The following MCU variants were observed in gnomAD, a reference collection of about 807,000 sequenced individuals.
MCU encodes calcium uniporter protein, mitochondrial.
A neutral mutation model predicts 45.2 loss-of-function variants in MCU; 12 were observed. The observed-to-expected ratio is 0.27, with a 90% CI of 0.17 to 0.43. MCU has a LOEUF of 0.43. MCU is among the 20% of genes least tolerant of loss of function. MCU has a pLI of 1.00. For synonymous variants in MCU, 160 were observed against 165.1 expected (o/e 0.97, Z 0.24); for missense variants, 324 against 436.7 (o/e 0.74, Z 2.30).
chr10:72,734,000 ACTC>A (rs1269479155), intron 1 of MCU, among the ~76,000 whole-genome samples: 2 of 152,052 alleles, frequency 1.3e-5, no homozygotes, highest in African/African-American at 4.8e-5. Flanking sequence ...GGAAAGAAAA[ACTC>A]CTCAGAGTAA....
At chr10:72,823,159 A>G (rs1035833889) in intron 1 of MCU, among the ~76,000 whole-genome samples, 1 of 152,246 alleles carries the variant, frequency 6.6e-6, no homozygotes, top group Non-Finnish European at 1.5e-5. Flanking sequence ...TCATATATCC[A>G]TACAATGGAA....
At chr10:72,832,945 T>TGTGTGTGTGTGTGTGTGTGTGTGTGG (rs1844901406) in intron 1 of MCU, among the ~76,000 whole-genome samples, 1 of 151,786 alleles carries the variant, frequency 6.6e-6, no homozygotes, top group African/African-American at 2.4e-5. Flanking sequence ...TGTGTGTGTG[T>TGTGTGTGTGTGTGTGTGTGTGTGTGG]GTGTGTGTGT....
At chr10:72,731,524 A>G (rs1843174072) in intron 1 of MCU, among the ~76,000 whole-genome samples, 1 of 152,122 alleles carries the variant, frequency 6.6e-6, no homozygotes, top group Non-Finnish European at 1.5e-5. Context: ...TAGTCACAGG[A>G]TTCTGCAACT....
chr10:72,746,914 T>C (rs947629507), intron 1 of MCU, among the ~76,000 whole-genome samples: 5 of 152,238 alleles, frequency 3.3e-5, no homozygotes, highest in African/African-American at 1.2e-4. Flanking sequence ...TAGGCATGAA[T>C]TTAGTCTCTT....
Position 72,780,384 on chromosome 10 carries a change from T to C in MCU, c.151-53975T>C, listed in dbSNP as rs111581630. 1.6e-3 allele frequency among the ~76,000 whole-genome samples: 248 copies of C among 152,266 alleles called. 1 individual carries two copies. Among genetic ancestry groups the C allele is most frequent in the Non-Finnish European group, 2.7e-3 (184 of 68,006 alleles). On this transcript the variant is annotated intron_variant, in intron 1 of 7. Transcript: ENST00000373053. ...CCAAAAACCACTTAATTGTACATTTTAAAAGGGTGAATTTTATGGTATATA... is the reference window on the plus strand; with the variant it reads ...CCAAAAACCACTTAATTGTACATTTCAAAAGGGTGAATTTTATGGTATATA...
rs1554824914 is a variant in MCU, at chr10:72,805,101, C to CTTTCTCTT, written c.151-29257_151-29256insTTCTCTTT. The stretch of plus-strand genomic sequence containing the variant: ...TGTTTCTTTCTTTCTTTCTTTCTTT[C>CTTTCTCTT]TCTTTCTTTCTTTCTTTCTTTCTTT... On this transcript the variant is annotated intron_variant, in intron 1 of 7. Coordinates refer to ENST00000373053, the MANE Select transcript of MCU (RefSeq NM_138357.3). Among the ~76,000 whole-genome samples, 237 of 103,434 alleles carry CTTTCTCTT rather than the reference C, an allele frequency of 2.3e-3. 2 individuals carry two copies. Among genetic ancestry groups the CTTTCTCTT allele is most frequent in the African/African-American group, 2.0e-3 (47 of 23,304 alleles). The allele number at this position is 103,434 out of a possible 152,430, so 67.9% of individuals were successfully genotyped here.
chr10:72,725,301 A>AT (rs1843082587), intron 1 of MCU, among the ~76,000 whole-genome samples: 1 of 151,410 alleles, frequency 6.6e-6, no homozygotes, highest in Non-Finnish European at 1.5e-5. Flanking sequence ...AATTTTTTGT[A>AT]TTTTTTAGTA....
intron 1 of MCU, among the ~76,000 whole-genome samples, chr10:72,783,346 G>T (rs1844023499): frequency 6.6e-6 from 1 of 152,198 alleles, no homozygotes; most frequent in African/African-American, 2.4e-5. Context: ...ATTCATTTTA[G>T]AATATTATTG....
intron 4 of MCU, among the ~76,000 whole-genome samples, chr10:72,862,391 G>A (rs1410743012): frequency 6.6e-6 from 1 of 152,132 alleles, no homozygotes; most frequent in Non-Finnish European, 1.5e-5. Context: ...CCATAGGACA[G>A]CAGTTCCCAA....
intron 1 of MCU, among the ~76,000 whole-genome samples, chr10:72,704,121 C>T (rs983977324): frequency 2.0e-5 from 3 of 152,000 alleles, no homozygotes; most frequent in African/African-American, 7.3e-5. Context: ...AGGTAGGTAA[C>T]GCTGGCAGCA....
intron 2 of MCU, among the ~76,000 whole-genome samples, chr10:72,845,332 T>C (rs901639722): frequency 6.6e-6 from 1 of 152,158 alleles, no homozygotes; most frequent in Non-Finnish European, 1.5e-5. Flanking sequence ...CTAAAAACAT[T>C]GAGTAGTGCT....
intron 1 of MCU, among the ~76,000 whole-genome samples, chr10:72,777,850 A>G (rs1177821306): frequency 6.6e-6 from 1 of 152,220 alleles, no homozygotes; most frequent in East Asian, 1.9e-4. Flanking sequence ...CAGAATAACA[A>G]ATAATCTATA....
chr10:72,878,861 T>A (rs1178129364), intron 6 of MCU, among the ~76,000 whole-genome samples: 1 of 152,124 alleles, frequency 6.6e-6, no homozygotes, highest in Non-Finnish European at 1.5e-5. Flanking sequence ...AGAAAGAGGA[T>A]GGGAAGAAAC....
intron 1 of MCU, among the ~76,000 whole-genome samples, chr10:72,764,973 C>T (rs982735175): frequency 4.0e-5 from 6 of 151,302 alleles, no homozygotes; most frequent in African/African-American, 1.5e-4. Context: ...ATTAGAGGGC[C>T]GGGAGTAATG....
intron 6 of MCU, among the ~76,000 whole-genome samples, chr10:72,878,604 A>G (rs542482723): frequency 2.1e-3 from 325 of 152,334 alleles, no homozygotes; most frequent in South Asian, 0.016. Context: ...ATATTGGCAG[A>G]TAACTTGATT....
intron 1 of MCU, among the ~76,000 whole-genome samples, chr10:72,749,753 G>A (rs1843466923): frequency 6.6e-6 from 1 of 152,068 alleles, no homozygotes; most frequent in Admixed American, 6.5e-5. Context: ...AAAGGGTGCT[G>A]TTGTAGCTTT....
intron 1 of MCU, among the ~76,000 whole-genome samples, chr10:72,830,165 T>C (rs1451716830): frequency 6.6e-6 from 1 of 152,224 alleles, no homozygotes; most frequent in East Asian, 1.9e-4. Context: ...GCTGTTGTGA[T>C]GTGAAAGTAG....
At chr10:72,814,572 A>T (rs1386880974) in intron 1 of MCU, among the ~76,000 whole-genome samples, 2 of 152,214 alleles carry the variant, frequency 1.3e-5, no homozygotes, top group Admixed American at 6.5e-5. Flanking sequence ...AGACAGGAAA[A>T]TAGAAAAGAA....
At position 72,859,179 on chromosome 10, in the gene MCU, G is replaced by A. The variant is rs199975232; in HGVS notation, c.223G>A (p.Val75Ile). Residue 75 changes from valine (V) to isoleucine (I), a missense_variant and splice_region_variant, in exon 3 of 8, where the codon GTT becomes ATT. Around this residue, in one of 4 missense-constraint regions of MCU, gnomAD observed 111 missense variants for 112.3 expected, o/e 0.99. Coordinates refer to ENST00000373053, the MANE Select transcript of MCU (RefSeq NM_138357.3). The stretch of plus-strand genomic sequence containing the variant: ...GTTTGTGGGTCTTTTTCATTCAGAT[G>A]TTACAGTGGTTTATCAAAATGGGTT... Reference protein sequence around the residue: ...YCSTVVPSDDVTVVYQNGLPV... With the variant: ...YCSTVVPSDDITVVYQNGLPV... The A allele has an allele frequency of 9.0e-5, 142 of 1,580,306 alleles. No homozygotes were observed. Among genetic ancestry groups the A allele is most frequent in the Non-Finnish European group, 6.0e-6 (7 of 1,163,568 alleles).
Sources: gnomAD v4.1 joint callset for allele counts (sites outside exome capture counted in the v4.1 genomes callset) on GRCh38, gnomAD v4.1.1 for gene constraint, gnomAD v4.1.1 regional missense constraint, MANE v1.5 for transcripts, NCBI Gene and HGNC (gene_info 2026-07-23, HGNC 2026-07-21) for gene names.